The following IRGM variants were observed in gnomAD, a reference collection of about 807,000 sequenced individuals.
IRGM encodes the protein immunity-related GTPase family M protein.
For synonymous variants in IRGM, 98 were observed against 80.6 expected (o/e 1.22, Z -1.16); for missense variants, 288 against 219.9 (o/e 1.31, Z -1.96).
downstream of IRGM, among the ~76,000 whole-genome samples, chr5:150,902,155 A>G (rs1285115526): frequency 6.6e-6 from 1 of 152,168 alleles, no homozygotes; most frequent in Non-Finnish European, 1.5e-5. Context: ...ATAATTTTAA[A>G]TGTTTATATG....
chr5:150,882,716 T>G (rs1754463595), intron 3 of IRGM, among the ~76,000 whole-genome samples: 1 of 152,146 alleles, frequency 6.6e-6, no homozygotes, highest in South Asian at 2.1e-4. Flanking sequence ...CTTAGATGAA[T>G]GGAGCAAATA....
intron 2 of IRGM, among the ~76,000 whole-genome samples, chr5:150,878,742 T>A (rs1248165625): frequency 6.6e-6 from 1 of 151,552 alleles, no homozygotes; most frequent in Non-Finnish European, 1.5e-5. Context: ...TATTGTGTAA[T>A]TATTATTATT....
At chr5:150,887,405 A>G (rs1033336504) in intron 3 of IRGM, among the ~76,000 whole-genome samples, 3 of 152,078 alleles carry the variant, frequency 2.0e-5, no homozygotes, top group African/African-American at 7.2e-5. Context: ...GAAAGAATTA[A>G]AAGGAATGAA....
chr5:150,893,674 T>C lies in IRGM; in HGVS notation c.*141-6915T>C, dbSNP rs976016558. On this transcript the variant is annotated intron_variant and NMD_transcript_variant, in intron 3 of 3. Coordinates refer to the IRGM transcript ENST00000520549. ...CATCAGAGTAAGCTCAATGTAACTA[T>C]TGATGAAAACTAGGTATCTGCCATT... Among the ~76,000 whole-genome samples, 7 of 152,144 alleles carry C rather than the reference T, an allele frequency of 4.6e-5. No individual in the cohort carries two copies. In the East Asian group the frequency reaches 9.7e-4, roughly 21 times the overall value.
downstream of IRGM, among the ~76,000 whole-genome samples, chr5:150,849,599 T>TTC (rs201994601): frequency 2.4e-5 from 3 of 125,486 alleles, no homozygotes; most frequent in African/African-American, 6.8e-5. Context: ...ATTTTTCTTT[T>TTC]TCTCTCTTTT....
intron 1 of IRGM, among the ~76,000 whole-genome samples, chr5:150,876,497 G>A (rs1465142656): frequency 2.0e-5 from 3 of 152,180 alleles, no homozygotes; most frequent in African/African-American, 7.2e-5. Context: ...AAGTCAACAG[G>A]CTAAGAAGGG....
chr5:150,854,688 A>G (rs1435306255), intron 1 of IRGM, among the ~76,000 whole-genome samples: 1 of 152,092 alleles, frequency 6.6e-6, no homozygotes, highest in East Asian at 1.9e-4. Context: ...TGAAAATCTT[A>G]TTGAGAATAG....
At position 150,892,094 on chromosome 5, in the gene IRGM, T is replaced by A. The variant is rs115246932; in HGVS notation, c.*141-8495T>A. On this transcript the variant is annotated intron_variant and NMD_transcript_variant, in intron 3 of 3. Coordinates refer to the IRGM transcript ENST00000520549. ...AGATCCAACATGATTATCATAGGTC[T>A]GTATTCCCAATAAACTATCTCACTG... is the stretch of plus-strand genomic sequence containing the variant. Among the ~76,000 whole-genome samples the A allele has an allele frequency of 7.7e-3, 1,165 of 152,224 alleles. 21 individuals are homozygous for A. Among genetic ancestry groups the A allele is most frequent in the African/African-American group, 0.026 (1,101 of 41,548 alleles).
At chr5:150,877,535 T>C (rs1178441401) in intron 1 of IRGM, among the ~76,000 whole-genome samples, 1 of 152,144 alleles carries the variant, frequency 6.6e-6, no homozygotes, top group Non-Finnish European at 1.5e-5. Context: ...TGTGAGTCAA[T>C]ACTCCTTAAT....
At chr5:150,870,001 A>T (rs1581646174) in intron 1 of IRGM, among the ~76,000 whole-genome samples, 1 of 152,056 alleles carries the variant, frequency 6.6e-6, no homozygotes, top group Non-Finnish European at 1.5e-5. Flanking sequence ...ATTCCAAAAG[A>T]CCTCCAAAGC....
At chr5:150,895,263 C>A in intron 3 of IRGM, 1 of 525,704 alleles carries the variant, frequency 1.9e-6, no homozygotes, top group Non-Finnish European at 3.3e-6. Context: ...AACTATTTTC[C>A]ATCATCTTTG....
chr5:150,898,589 T>A (rs1400803452), intron 3 of IRGM: 1 of 1,545,520 alleles, frequency 6.5e-7, no homozygotes, highest in African/African-American at 1.4e-5. Context: ...TCTGAAATGA[T>A]CATTCTCATA....
chr5:150,881,936 C>T (rs1002022492), intron 3 of IRGM, among the ~76,000 whole-genome samples: 2 of 152,120 alleles, frequency 1.3e-5, no homozygotes, highest in Non-Finnish European at 2.9e-5. Context: ...AATCCCAACA[C>T]TTTGGGAGGC....
exon 2 of IRGM, chr5:150,878,019 G>A (rs141904691): frequency 2.4e-5 from 11 of 457,978 alleles, no homozygotes; most frequent in South Asian, 6.2e-5. Context: ...CCACAGCCAC[G>A]TACCTCTTGC....
intron 1 of IRGM, among the ~76,000 whole-genome samples, chr5:150,869,272 G>T (rs1197904011): frequency 6.6e-6 from 1 of 152,108 alleles, no homozygotes; most frequent in East Asian, 1.9e-4. Context: ...TTTATGTGGT[G>T]TATCACATTT....
chr5:150,853,742 C>A (rs6893009), intron 1 of IRGM, among the ~76,000 whole-genome samples: 37,764 of 151,798 alleles, frequency 0.25, 6,767 homozygotes, highest in East Asian at 0.61. Context: ...TCTTTCAGTT[C>A]CTGTTTGCAT....
At chr5:150,893,369 T>A (rs534313100) in intron 3 of IRGM, among the ~76,000 whole-genome samples, 30 of 152,336 alleles carry the variant, frequency 2.0e-4, no homozygotes, top group Non-Finnish European at 4.1e-4. Flanking sequence ...TATCCAAATT[T>A]GTTCTTCAAA....
At chr5:150,877,864 G>T (rs1184552710) in intron 1 of IRGM, 1 of 384,106 alleles carries the variant, frequency 2.6e-6, no homozygotes, top group Non-Finnish European at 5.1e-6. Flanking sequence ...TTCCTAGTTT[G>T]CATTTTTGCA....
chr5:150,890,453 ATT>A (rs1050941094), intron 3 of IRGM, among the ~76,000 whole-genome samples: 16 of 151,372 alleles, frequency 1.1e-4, no homozygotes, highest in Admixed American at 1.1e-3. Flanking sequence ...CTTTTGATGT[ATT>A]TTCTTTTTTT....
Sources: allele counts gnomAD v4.1 joint callset (sites outside exome capture counted in the v4.1 genomes callset), GRCh38; gene constraint gnomAD v4.1.1; transcripts MANE v1.5; gene names NCBI Gene and HGNC (gene_info 2026-07-23, HGNC 2026-07-21).